Variants in THSD4 observed in about 807,000 individuals in gnomAD.
THSD4 encodes the protein thrombospondin type 1 domain containing 4.
A neutral mutation model predicts 119.0 loss-of-function variants in THSD4; 69 were observed. The ratio of observed to expected loss-of-function variants is 0.58; its 90% confidence interval spans 0.48 to 0.71. The LOEUF is 0.71. THSD4 is among the 30% of genes least tolerant of loss of function. The pLI, the probability that THSD4 is intolerant of heterozygous loss-of-function variation, is 0.00. For synonymous variants in THSD4, 524 were observed against 540.4 expected, an observed-to-expected ratio of 0.97 and a Z score of 0.42; for missense variants, 1,393 against 1,391.1, an observed-to-expected ratio of 1.00 and a Z score of -0.02.
At chr15:71,399,629 G>C (rs1268960902) in intron 6 of THSD4, among the ~76,000 whole-genome samples, 2 of 152,164 alleles carry the variant, frequency 1.3e-5, no homozygotes, top group East Asian at 1.9e-4. Context: ...GGTTACAAGC[G>C]AGGTCTCCTT....
intron 11 of THSD4, among the ~76,000 whole-genome samples, chr15:71,741,320 C>T (rs969646758): frequency 6.6e-6 from 1 of 152,060 alleles, no homozygotes; most frequent in African/African-American, 2.4e-5. Flanking sequence ...GCAAAAAACC[C>T]TGTCCTCACC....
intron 1 of THSD4, among the ~76,000 whole-genome samples, chr15:71,117,683 A>G (rs1324004265): frequency 1.3e-5 from 2 of 152,116 alleles, no homozygotes; most frequent in African/African-American, 2.4e-5. Flanking sequence ...ATTTTAATCC[A>G]TCTTCTTTCA....
chr15:71,780,361 C>G lies in THSD4; in HGVS notation c.*2987C>G, dbSNP rs887810291. ...CTCACAAAAGTCAACAAAGTCCAAACAAAAATAGTTTGCCGTTTTACTTTC... is the reference window on the plus strand; with the variant it reads ...CTCACAAAAGTCAACAAAGTCCAAAGAAAAATAGTTTGCCGTTTTACTTTC... On this transcript the variant is annotated 3_prime_UTR_variant, in exon 18 of 18. Transcript: ENST00000261862. 1 of 175,606 alleles carries G rather than the reference C, an allele frequency of 5.7e-6. No individual in the cohort carries two copies. The allele number at this position is 175,606 out of a possible 1,614,324, so 10.9% of individuals were successfully genotyped here. A position where few individuals can be genotyped will look rare whatever the true frequency, so the allele number is the denominator to read the frequency against.
At chr15:71,348,355 C>A (rs1022812688) in intron 6 of THSD4, 12 of 152,226 alleles carry the variant, frequency 7.9e-5, no homozygotes, top group African/African-American at 2.7e-4. Flanking sequence ...TCAATTGATG[C>A]TGTTGTTGCT....
chr15:71,639,622 G>T (rs140920899), intron 7 of THSD4, among the ~76,000 whole-genome samples: 2 of 152,308 alleles, frequency 1.3e-5, no homozygotes, highest in African/African-American at 4.8e-5. Context: ...GCCTTTAGAT[G>T]TAACAACACA....
intron 3 of THSD4, chr15:71,185,607 T>C (rs1369798218): frequency 1.4e-5 from 2 of 140,942 alleles, no homozygotes; most frequent in African/African-American, 5.0e-5. Context: ...GAATCTTTGT[T>C]TGAGAATATT....
chr15:71,447,105 C>T (rs530958852), intron 7 of THSD4, among the ~76,000 whole-genome samples: 3 of 141,468 alleles, frequency 2.1e-5, no homozygotes, highest in African/African-American at 5.3e-5. Context: ...GCCCTCTTCC[C>T]TCCATTTTTT....
chr15:71,767,409 A>G (rs2053733057), intron 16 of THSD4: 1 of 152,206 alleles, frequency 6.6e-6, no homozygotes, highest in African/African-American at 2.4e-5. Flanking sequence ...CCTAAAAAAA[A>G]TTACTGCAGA....
intron 6 of THSD4, among the ~76,000 whole-genome samples, chr15:71,353,418 C>T (rs957880287): frequency 2.0e-5 from 3 of 152,184 alleles, no homozygotes; most frequent in African/African-American, 7.2e-5. Context: ...TCACAGTTTG[C>T]TTTACTAGAG....
intron 3 of THSD4, among the ~76,000 whole-genome samples, chr15:71,207,743 G>C (rs28452248): frequency 2.0e-5 from 3 of 151,936 alleles, no homozygotes; most frequent in African/African-American, 7.3e-5. Context: ...TAGGTTGTAC[G>C]CTCCTTATGA....
At chr15:71,109,081 T>A (rs2040286631) in intron 1 of THSD4, among the ~76,000 whole-genome samples, 1 of 152,154 alleles carries the variant, frequency 6.6e-6, no homozygotes, top group South Asian at 2.1e-4. Flanking sequence ...GATTTTTAAA[T>A]AAAGAAAGAT....
chr15:71,400,844 A>G (rs1016545012), intron 6 of THSD4, among the ~76,000 whole-genome samples: 11 of 152,148 alleles, frequency 7.2e-5, no homozygotes, highest in Non-Finnish European at 1.5e-4. Context: ...GAAAAAAAAA[A>G]AAAGAACTTG....
chr15:71,118,161 A>G lies in THSD4; in HGVS notation c.-80+2463A>G, dbSNP rs867051000. Reference sequence around the variant, plus strand: ...AGAGCTCGAGGAAAGACTGAAAGATAGGAAAGTACTGTATGGACACGGTTG... The same window carrying G: ...AGAGCTCGAGGAAAGACTGAAAGATGGGAAAGTACTGTATGGACACGGTTG... On this transcript the variant is annotated intron_variant, in intron 1 of 17. Coordinates refer to ENST00000261862, the MANE Select transcript of THSD4 (RefSeq NM_024817.3). Among the ~76,000 whole-genome samples, 96 of 152,222 alleles carry G rather than the reference A, an allele frequency of 6.3e-4. 1 individual carries two copies. Among genetic ancestry groups the G allele is most frequent in the African/African-American group, 2.2e-3 (91 of 41,554 alleles).
chr15:71,115,258 T>G (rs1421830360), upstream of THSD4: 1 of 152,576 alleles, frequency 6.6e-6, no homozygotes, highest in African/African-American at 2.4e-5. This position sits in a 1 kb window ranked among gnomAD's most constrained non-coding sequence, Gnocchi z 4.4. Context: ...GTGGCCTCTG[T>G]CTAGACCGTA....
chr15:71,393,539 C>G (rs1482492077), intron 6 of THSD4, among the ~76,000 whole-genome samples: 3 of 152,070 alleles, frequency 2.0e-5, no homozygotes, highest in Non-Finnish European at 2.9e-5. Context: ...GCCCCTTACC[C>G]GTGTCCTTTG....
chr15:71,432,088 A>G (rs899515879), intron 7 of THSD4, among the ~76,000 whole-genome samples: 2 of 152,098 alleles, frequency 1.3e-5, no homozygotes, highest in Non-Finnish European at 1.5e-5. Flanking sequence ...GACATATCAG[A>G]TTTCTAGGAC....
intron 7 of THSD4, among the ~76,000 whole-genome samples, chr15:71,630,857 A>G (rs1170201182): frequency 6.6e-6 from 1 of 152,142 alleles, no homozygotes; most frequent in African/African-American, 2.4e-5. Flanking sequence ...ATGGCTCCTC[A>G]CGGCAAAGGT....
chr15:71,109,656 A>G (rs184041996), intron 1 of THSD4, among the ~76,000 whole-genome samples: 79 of 152,036 alleles, frequency 5.2e-4, no homozygotes, highest in Non-Finnish European at 5.9e-5. Flanking sequence ...GCTTTCTTTT[A>G]TGACACCAAA....
At position 71,777,562 on chromosome 15, in the gene THSD4, A is replaced by G. The variant is rs970177397; in HGVS notation, c.*188A>G. On this transcript the variant is annotated 3_prime_UTR_variant, in exon 18 of 18. Transcript: ENST00000261862. ...GGGCTTTTTACACAAGATGTTTGAA[A>G]GCCACAGTCAGTCCTTTAAGCATCA... The G allele has an allele frequency of 2.9e-6, 2 of 698,638 alleles. No individual in the cohort carries two copies. The highest frequency in any genetic ancestry group is 4.7e-6 in the Non-Finnish European group (2 of 427,262). 43.3% of individuals were successfully genotyped at this position (698,638 alleles called of 1,614,324 possible). A position where few individuals can be genotyped will look rare whatever the true frequency, so the allele number is the denominator to read the frequency against.
Sources: allele counts gnomAD v4.1 joint callset (sites outside exome capture counted in the v4.1 genomes callset), GRCh38; gene constraint gnomAD v4.1.1; non-coding constraint Gnocchi (gnomAD v3.1); transcripts MANE v1.5; gene names NCBI Gene and HGNC (gene_info 2026-07-23, HGNC 2026-07-21).